COX5B: variants seen among roughly 807,000 people sequenced by gnomAD.
COX5B encodes cytochrome c oxidase subunit 5B, mitochondrial.
In COX5B, 8 loss-of-function variants were observed where a neutral mutation model predicts 16.2. The observed-to-expected ratio is 0.49, with a 90% CI of 0.29 to 0.89. The LOEUF (loss-of-function observed/expected upper bound fraction) is 0.89. COX5B is among the 40% of genes least tolerant of loss of function. The probability of loss-of-function intolerance (pLI) is 0.08; values close to 1 mark genes in which losing one functional copy is unlikely to be tolerated. For missense variants in COX5B, 161 were observed against 168.7 expected, an observed-to-expected ratio of 0.95 and a Z score of 0.25; for synonymous variants, 65 against 67.6, an observed-to-expected ratio of 0.96 and a Z score of 0.19.
chr2:97,646,596 C>A (rs1287201695), intron 1 of COX5B: 2 of 208,320 alleles, frequency 9.6e-6, no homozygotes, highest in South Asian at 7.3e-5. Context: ...AACTGTAATC[C>A]CAGCACTTTG....
At chr2:97,646,934 G>T (rs1674668203) in intron 1 of COX5B, 133 bp from the exon 2 acceptor site, 1 of 793,240 alleles carries the variant, frequency 1.3e-6, no homozygotes. Context: ...GATATGAGTA[G>T]CCTTTAGGAG....
At position 97,646,095 on chromosome 2, in the gene COX5B, A is replaced by C; in HGVS notation, c.9A>C (p.Ser3=). 1 of 1,555,794 alleles carries C rather than the reference A, an allele frequency of 6.4e-7. No individual in the cohort carries two copies. The highest frequency in any genetic ancestry group is 8.7e-7 in the Non-Finnish European group (1 of 1,149,314). The change falls in exon 1 of 4, where the codon TCA becomes TCC. Residue 3 remains serine, a synonymous_variant. Coordinates refer to ENST00000258424, the MANE Select transcript of COX5B (RefSeq NM_001862.3). MA[S]RLLRGAGTLA... The stretch of plus-strand genomic sequence containing the variant: ...TGCTAGTCGCGGACGCAATGGCTTC[A>C]AGGTTACTTCGCGGAGCTGGAACGC...
intron 1 of COX5B, 55 bp downstream of exon 1, chr2:97,646,244 C>A (rs1002008531): frequency 7.9e-7 from 1 of 1,266,412 alleles, no homozygotes; most frequent in South Asian, 1.4e-5. Context: ...CCAGGGTGGT[C>A]CCAGGGCGGC....
chr2:97,646,332 A>T, intron 1 of COX5B, 143 bp downstream of exon 1: 1 of 593,182 alleles, frequency 1.7e-6, no homozygotes, highest in Non-Finnish European at 3.0e-6. Flanking sequence ...CTCTGCAGGC[A>T]TCTCCCTGTA....
chr2:97,647,757 A>G (rs1674684427), intron 3 of COX5B, among the ~76,000 whole-genome samples: 2 of 152,228 alleles, frequency 1.3e-5, no homozygotes, highest in African/African-American at 2.4e-5. Flanking sequence ...TTTGCGTTCT[A>G]CATAGGCAAG....
chr2:97,647,070 G>T lies in COX5B; in HGVS notation c.107G>T (p.Gly36Val). 6.2e-7 allele frequency: 1 copy of T among 1,613,964 alleles called. No homozygotes were observed. Among genetic ancestry groups the T allele is most frequent in the Non-Finnish European group, 8.5e-7 (1 of 1,179,866 alleles). ...AATTCACGTTATCTTCCTTTAGGTG[G>T]TGTTCCCACTGATGAAGAGCAGGCG... Reference protein sequence around the residue: ...AAMRSMASGGGVPTDEEQATG... With the variant: ...AAMRSMASGGVVPTDEEQATG... Residue 36 changes from glycine (G) to valine (V), a missense_variant, in exon 2 of 4, where the codon GGT becomes GTT. Coordinates refer to ENST00000258424, the MANE Select transcript of COX5B (RefSeq NM_001862.3).
intron 2 of COX5B, 42 bp from the exon 3 acceptor site, chr2:97,647,299 ATTC>A (rs765359560): frequency 5.7e-6 from 9 of 1,588,254 alleles, no homozygotes; most frequent in Middle Eastern, 1.7e-4. Context: ...TAATGGTTCA[ATTC>A]TTGTTTTTTT....
chr2:97,646,560 C>T, intron 1 of COX5B: 1 of 227,900 alleles, frequency 4.4e-6, no homozygotes, highest in Non-Finnish European at 8.8e-6. Context: ...GAAAGAAAAG[C>T]TCATAGGCCG....
At chr2:97,647,223 T>A in intron 2 of COX5B, 83 bp downstream of exon 2, 7 of 1,543,052 alleles carry the variant, frequency 4.5e-6, no homozygotes, top group Non-Finnish European at 6.3e-6. Flanking sequence ...TGGGAGTATT[T>A]GATACAGGAA....
intron 1 of COX5B, 57 bp downstream of exon 1, chr2:97,646,246 C>A: frequency 7.9e-7 from 1 of 1,266,012 alleles, no homozygotes; most frequent in South Asian, 1.4e-5. Flanking sequence ...AGGGTGGTCC[C>A]AGGGCGGCAA....
At chr2:97,646,973 A>T in intron 1 of COX5B, 94 bp from the exon 2 acceptor site, 1 of 1,303,722 alleles carries the variant, frequency 7.7e-7, no homozygotes, top group Non-Finnish European at 1.1e-6. Context: ...CTTATACAGA[A>T]GTTTCGGGGC....
Position 97,646,128 on chromosome 2 carries a change from G to A in COX5B, c.42G>A (p.Ala14=). The A allele has an allele frequency of 1.3e-6, 2 of 1,557,846 alleles. No individual in the cohort carries two copies. Among genetic ancestry groups the A allele is most frequent in the South Asian group, 1.2e-5 (1 of 84,522 alleles). The change falls in exon 1 of 4, where the codon GCG becomes GCA. Residue 14 remains alanine, a synonymous_variant. Coordinates refer to ENST00000258424, the MANE Select transcript of COX5B (RefSeq NM_001862.3). ...TTCGCGGAGCTGGAACGCTGGCCGC[G>A]CAGGCCCTGAGGGCTCGCGGCCCCA... is the stretch of plus-strand genomic sequence containing the variant. ...RLLRGAGTLA[A]QALRARGPSG... is the part of the protein sequence containing the mutation.
intron 3 of COX5B, 152 bp downstream of exon 3, chr2:97,647,595 C>A: frequency 1.3e-6 from 1 of 748,260 alleles, no homozygotes; most frequent in Non-Finnish European, 2.3e-6. Context: ...GATAGTTCAT[C>A]CTTACTGGAA....
At chr2:97,646,257 A>AGCGGC in intron 1 of COX5B, 68 bp downstream of exon 1, 1 of 1,122,178 alleles carries the variant, frequency 8.9e-7, no homozygotes, top group Non-Finnish European at 1.2e-6. Flanking sequence ...AGGGCGGCAA[A>AGCGGC]GCGGCGCGGC....
intron 3 of COX5B, 124 bp downstream of exon 3, chr2:97,647,567 T>A: frequency 1.2e-6 from 1 of 821,270 alleles, no homozygotes; most frequent in Non-Finnish European, 2.0e-6. Flanking sequence ...CTTGACACTC[T>A]CAAGCCTCAT....
intron 3 of COX5B, 113 bp from the exon 4 acceptor site, chr2:97,647,880 TAAG>T: frequency 1.1e-6 from 1 of 906,474 alleles, no homozygotes; most frequent in Non-Finnish European, 1.8e-6. Context: ...ACTGATCTCT[TAAG>T]ATATCAACCA....
At chr2:97,647,511 C>G (rs1674680283) in intron 3 of COX5B, 68 bp downstream of exon 3, 14 of 1,345,704 alleles carry the variant, frequency 1.0e-5, no homozygotes, top group African/African-American at 1.0e-4. Flanking sequence ...TAAGCTGCCT[C>G]AAATCTTCAG....
chr2:97,646,982 G>T, intron 1 of COX5B, 85 bp from the exon 2 acceptor site: 1 of 1,410,738 alleles, frequency 7.1e-7, no homozygotes, highest in East Asian at 2.3e-5. Flanking sequence ...AAGTTTCGGG[G>T]CACCATTTTC....
chr2:97,647,348 C>T lies in COX5B; in HGVS notation c.182C>T (p.Pro61Leu), dbSNP rs959080996. 6.2e-7 allele frequency: 1 copy of T among 1,612,714 alleles called. No homozygotes were observed. The highest frequency in any genetic ancestry group is 8.5e-7 in the Non-Finnish European group (1 of 1,179,502). ...IMLAAKKGLD[P>L]YNVLAPKGAS... is the part of the protein sequence containing the mutation. ...TGTTTTTTGTTTTTTCTTCAGGACC[C>T]ATACAATGTACTGGCCCCAAAGGGA... Residue 61 changes from proline to leucine, a missense_variant, in exon 3 of 4, where the codon CCA becomes CTA. Coordinates refer to ENST00000258424, the MANE Select transcript of COX5B (RefSeq NM_001862.3).
Sources: gnomAD v4.1 joint callset for allele counts (sites outside exome capture counted in the v4.1 genomes callset) on GRCh38, gnomAD v4.1.1 for gene constraint, MANE v1.5 for transcripts, NCBI Gene and HGNC (gene_info 2026-07-23, HGNC 2026-07-21) for gene names.